Variants in CDH13 observed in about 807,000 individuals in gnomAD.
CDH13 encodes the protein cadherin-13.
CDH13 carries 24 observed loss-of-function variants against 63.8 expected under a neutral mutation model. That is an observed-to-expected ratio of 0.38 (90% CI 0.27 to 0.53). CDH13 has a LOEUF of 0.53. Among genes scored for constraint, CDH13 ranks in the 20% least tolerant of loss-of-function variants. CDH13 has a pLI of 0.85. For missense variants in CDH13, 1,049 were observed against 903.1 expected (o/e 1.16, Z -2.07); for synonymous variants, 503 against 355.3 (o/e 1.42, Z -4.67).
At chr16:83,571,495 A>G (rs2150706574) in intron 7 of CDH13, among the ~76,000 whole-genome samples, 1 of 152,302 alleles carries the variant, frequency 6.6e-6, no homozygotes, top group South Asian at 2.1e-4. Flanking sequence ...TCTAAGTTTA[A>G]GCAAATTTGA....
intron 5 of CDH13, among the ~76,000 whole-genome samples, chr16:83,278,987 T>C (rs1374323604): frequency 2.0e-5 from 3 of 152,208 alleles, no homozygotes; most frequent in African/African-American, 7.2e-5. Flanking sequence ...CCTTATACTG[T>C]AGTAGTGACA....
At chr16:82,942,993 CCTAA>C (rs1567681226) in intron 2 of CDH13, among the ~76,000 whole-genome samples, 2 of 152,270 alleles carry the variant, frequency 1.3e-5, no homozygotes, top group Admixed American at 6.5e-5. Flanking sequence ...TATTTGTATG[CCTAA>C]CTAAGAATGA....
intron 1 of CDH13, among the ~76,000 whole-genome samples, chr16:82,691,730 G>A (rs1001803966): frequency 6.6e-6 from 1 of 152,166 alleles, no homozygotes; most frequent in South Asian, 2.1e-4. Flanking sequence ...GGCTAATGGA[G>A]AGTTGAAGGG....
At chr16:83,577,650 G>T (rs1390333229) in intron 7 of CDH13, among the ~76,000 whole-genome samples, 1 of 152,172 alleles carries the variant, frequency 6.6e-6, no homozygotes, top group East Asian at 1.9e-4. Flanking sequence ...CTTCCCAGAG[G>T]GCTGAGGAGG....
chr16:83,625,353 A>G (rs1388237213), intron 8 of CDH13, among the ~76,000 whole-genome samples: 1 of 152,156 alleles, frequency 6.6e-6, no homozygotes, highest in Non-Finnish European at 1.5e-5. Context: ...AAAGCTCCGC[A>G]TGTACCCTGT....
At chr16:82,742,022 C>G (rs576468056) in intron 1 of CDH13, among the ~76,000 whole-genome samples, 2 of 152,138 alleles carry the variant, frequency 1.3e-5, no homozygotes, top group African/African-American at 4.8e-5. Context: ...AATTGAAACA[C>G]TCTAAATTTC....
chr16:83,374,540 G>A (rs2091427475), intron 6 of CDH13, among the ~76,000 whole-genome samples: 1 of 152,150 alleles, frequency 6.6e-6, no homozygotes, highest in African/African-American at 2.4e-5. Flanking sequence ...GTTTTCCTGG[G>A]TTGTGCATTG....
intron 8 of CDH13, among the ~76,000 whole-genome samples, chr16:83,616,838 G>A (rs1909323903): frequency 6.6e-6 from 1 of 152,150 alleles, no homozygotes; most frequent in Admixed American, 6.5e-5. Flanking sequence ...CTGTCCACCT[G>A]GCTACAGCCT....
chr16:83,339,121 G>C (rs568155976), intron 5 of CDH13, among the ~76,000 whole-genome samples: 5 of 152,124 alleles, frequency 3.3e-5, no homozygotes, highest in Non-Finnish European at 5.9e-5. Flanking sequence ...GGGGGATGGA[G>C]AGAAAAGGGG....
intron 3 of CDH13, among the ~76,000 whole-genome samples, chr16:83,086,518 C>A (rs201772450): frequency 1.3e-5 from 2 of 152,182 alleles, no homozygotes; most frequent in African/African-American, 4.8e-5. Flanking sequence ...TTGAGCCAAG[C>A]GGAATCCTTG....
At chr16:82,714,896 C>A (rs1473209069) in intron 1 of CDH13, among the ~76,000 whole-genome samples, 4 of 131,484 alleles carry the variant, frequency 3.0e-5, no homozygotes, top group African/African-American at 1.1e-4. Context: ...AAGGACATGA[C>A]TTTTCTGACA....
At chr16:82,778,417 C>G (rs1370165388) in intron 1 of CDH13, among the ~76,000 whole-genome samples, 1 of 152,000 alleles carries the variant, frequency 6.6e-6, no homozygotes, top group Non-Finnish European at 1.5e-5. Flanking sequence ...GGGGGCATTT[C>G]CACGTTGCTG....
intron 2 of CDH13, among the ~76,000 whole-genome samples, chr16:82,872,251 C>T: frequency 6.6e-6 from 1 of 152,214 alleles, no homozygotes; most frequent in Non-Finnish European, 1.5e-5. Context: ...AGCCATCACA[C>T]CAGGTTTCTT....
chr16:83,020,111 C>T (rs892814137), intron 2 of CDH13, among the ~76,000 whole-genome samples: 5 of 152,162 alleles, frequency 3.3e-5, no homozygotes, highest in Admixed American at 2.6e-4. Flanking sequence ...TATATGTGTT[C>T]CTCTGTAGAT....
rs1567601566 is a variant in CDH13 at position 83,795,031 on chromosome 16, GA to G, written c.*3del. On this transcript the variant is annotated 3_prime_UTR_variant, in exon 14 of 14. Coordinates refer to ENST00000567109, the MANE Select transcript of CDH13 (RefSeq NM_001257.5). ...GAACCCTCTCTATTCAGGTCTGTGAGAACTCCTGACGTCTGAAGCTTGACTC... is the reference window on the plus strand; with the variant it reads ...GAACCCTCTCTATTCAGGTCTGTGAGACTCCTGACGTCTGAAGCTTGACTC... The G allele has an allele frequency of 1.1e-5, 17 of 1,593,000 alleles. No homozygotes were observed. The East Asian group carries it at 2.0e-4, about 19-fold the overall frequency.
At chr16:83,053,056 G>C (rs560507991) in intron 3 of CDH13, among the ~76,000 whole-genome samples, 1 of 152,046 alleles carries the variant, frequency 6.6e-6, no homozygotes, top group East Asian at 1.9e-4. Flanking sequence ...GGTGAAATGG[G>C]AATAAAAATA....
intron 7 of CDH13, among the ~76,000 whole-genome samples, chr16:83,539,215 T>C (rs1397221254): frequency 6.6e-6 from 1 of 152,168 alleles, no homozygotes; most frequent in African/African-American, 2.4e-5. Context: ...GATGAAACTA[T>C]TGCACCTCAG....
At chr16:83,505,219 C>A (rs796807493) in intron 7 of CDH13, among the ~76,000 whole-genome samples, 1 of 152,194 alleles carries the variant, frequency 6.6e-6, no homozygotes, top group African/African-American at 2.4e-5. Context: ...CCATTGTACC[C>A]AGAAGAAACA....
intron 5 of CDH13, among the ~76,000 whole-genome samples, chr16:83,252,561 C>T (rs1292870869): frequency 6.6e-6 from 1 of 152,036 alleles, no homozygotes; most frequent in African/African-American, 2.4e-5. Context: ...TAGGCTGAGC[C>T]AAGTGACATG....
Sources: gnomAD v4.1 joint callset for allele counts (sites outside exome capture counted in the v4.1 genomes callset) on GRCh38, gnomAD v4.1.1 for gene constraint, MANE v1.5 for transcripts, NCBI Gene and HGNC (gene_info 2026-07-23, HGNC 2026-07-21) for gene names.